Variants in CNTNAP2 observed in about 807,000 individuals in gnomAD.
CNTNAP2 encodes contactin associated protein 2, also known as contactin-associated protein-like 2.
In CNTNAP2, 98 loss-of-function variants were observed where a neutral mutation model predicts 155.2. That is an observed-to-expected ratio of 0.63 (90% CI 0.54 to 0.75). The LOEUF is 0.75. Among genes scored for constraint, CNTNAP2 ranks in the 30% least tolerant of loss-of-function variants. The pLI, the probability that CNTNAP2 is intolerant of heterozygous loss-of-function variation, is 0.00. For missense variants in CNTNAP2, 1,727 were observed against 1,688.1 expected, an observed-to-expected ratio of 1.02 and a Z score of -0.40; for synonymous variants, 651 against 631.2, an observed-to-expected ratio of 1.03 and a Z score of -0.47.
intron 13 of CNTNAP2, among the ~76,000 whole-genome samples, chr7:147,698,012 A>G (rs1011195054): frequency 2.0e-5 from 3 of 152,096 alleles, no homozygotes; most frequent in Admixed American, 2.0e-4. Context: ...CGTTAATTAC[A>G]GTTTAGGGTT....
intron 1 of CNTNAP2, among the ~76,000 whole-genome samples, chr7:146,741,352 T>A (rs1486012214): frequency 1.3e-5 from 2 of 152,172 alleles, no homozygotes; most frequent in Non-Finnish European, 2.9e-5. Context: ...CCACAAGGCA[T>A]TTTTGACTGC....
At chr7:146,451,138 G>C (rs891444335) in intron 1 of CNTNAP2, among the ~76,000 whole-genome samples, 2 of 151,994 alleles carry the variant, frequency 1.3e-5, no homozygotes, top group Non-Finnish European at 2.9e-5. Context: ...AGTACAGACG[G>C]GGTTTCACCG....
intron 3 of CNTNAP2, among the ~76,000 whole-genome samples, chr7:146,922,642 T>C (rs1322820306): frequency 6.6e-6 from 1 of 152,174 alleles, no homozygotes; most frequent in Non-Finnish European, 1.5e-5. Flanking sequence ...AAAAACAGGA[T>C]TCAACTTTCA....
At chr7:147,555,314 T>A (rs1799931633) in intron 11 of CNTNAP2, among the ~76,000 whole-genome samples, 1 of 152,156 alleles carries the variant, frequency 6.6e-6, no homozygotes, top group South Asian at 2.1e-4. Context: ...ATCGCCGCTA[T>A]GCCTACGTTT....
intron 1 of CNTNAP2, among the ~76,000 whole-genome samples, chr7:146,457,516 A>G (rs1293463775): frequency 2.2e-5 from 1 of 44,716 alleles, no homozygotes; most frequent in Admixed American, 1.9e-4. Flanking sequence ...ATATATATAT[A>G]TATATATATA....
chr7:146,721,889 A>ATATATATATAT, intron 1 of CNTNAP2, among the ~76,000 whole-genome samples: 3 of 69,736 alleles, frequency 4.3e-5, no homozygotes, highest in African/African-American at 3.8e-4. Context: ...ATATATATAT[A>ATATATATATAT]TTTTTTTTTT....
At chr7:147,999,799 C>T (rs965466659) in intron 15 of CNTNAP2, among the ~76,000 whole-genome samples, 2 of 152,116 alleles carry the variant, frequency 1.3e-5, no homozygotes, top group African/African-American at 4.8e-5. Context: ...TGCAATTTTG[C>T]AGTTGCCCTG....
At chr7:146,979,793 G>A (rs1797979292) in intron 3 of CNTNAP2, among the ~76,000 whole-genome samples, 1 of 152,202 alleles carries the variant, frequency 6.6e-6, no homozygotes, top group Admixed American at 6.5e-5. Flanking sequence ...TAATAACTAT[G>A]TAAGCTGAAA....
intron 1 of CNTNAP2, among the ~76,000 whole-genome samples, chr7:146,166,057 G>A (rs1429042292): frequency 6.6e-6 from 1 of 151,998 alleles, no homozygotes; most frequent in Non-Finnish European, 1.5e-5. Flanking sequence ...AACTTCCTTG[G>A]CTCACATTCC....
chr7:148,080,438 T>C (rs1415148425), intron 15 of CNTNAP2, among the ~76,000 whole-genome samples: 1 of 151,756 alleles, frequency 6.6e-6, no homozygotes, highest in Non-Finnish European at 1.5e-5. Context: ...GCCCCATCTC[T>C]ACTAAAAATA....
Position 146,832,659 on chromosome 7 carries a change from A to G in CNTNAP2, c.209-7052A>G, listed in dbSNP as rs1803536489. 2.0e-5 allele frequency among the ~76,000 whole-genome samples: 3 copies of G among 149,050 alleles called. No individual in the cohort carries two copies. In the South Asian group the frequency reaches 6.3e-4, roughly 31 times the overall value. On this transcript the variant is annotated intron_variant, in intron 2 of 23. Coordinates refer to ENST00000361727, the MANE Select transcript of CNTNAP2 (RefSeq NM_014141.6). The stretch of plus-strand genomic sequence containing the variant: ...TATGAATATATACACTGTATAATTT[A>G]TAAATATGTACGTGTGTGTGTATAT...
At chr7:147,630,501 C>G (rs1795068458) in intron 12 of CNTNAP2, among the ~76,000 whole-genome samples, 1 of 151,962 alleles carries the variant, frequency 6.6e-6, no homozygotes, top group Non-Finnish European at 1.5e-5. Context: ...AATACCAAAG[C>G]CAGGAAAGGA....
chr7:147,339,951 C>A (rs1463883697), intron 9 of CNTNAP2, among the ~76,000 whole-genome samples: 1 of 152,168 alleles, frequency 6.6e-6, no homozygotes, highest in Non-Finnish European at 1.5e-5. Context: ...AAAGCTCCTG[C>A]ACTGCAGTAA....
chr7:148,030,128 C>T (rs151034571), intron 15 of CNTNAP2, among the ~76,000 whole-genome samples: 1,755 of 152,244 alleles, frequency 0.012, 30 homozygotes, highest in African/African-American at 0.039. Context: ...TGTTGCTTTC[C>T]GGCTGCTATA....
At chr7:148,063,881 C>T (rs571557680) in intron 15 of CNTNAP2, among the ~76,000 whole-genome samples, 32 of 152,048 alleles carry the variant, frequency 2.1e-4, no homozygotes, top group African/African-American at 7.0e-4. Flanking sequence ...TTTCAGTCTT[C>T]GATCCATCTT....
chr7:146,879,730 C>T (rs979690887), intron 3 of CNTNAP2, among the ~76,000 whole-genome samples: 3 of 152,048 alleles, frequency 2.0e-5, no homozygotes, highest in Non-Finnish European at 4.4e-5. Flanking sequence ...AGCTCATGAG[C>T]TCACGGTCAG....
chr7:147,478,231 C>A (rs1405498186), intron 10 of CNTNAP2, among the ~76,000 whole-genome samples: 1 of 152,000 alleles, frequency 6.6e-6, no homozygotes, highest in Non-Finnish European at 1.5e-5. Context: ...CGGCTCACTG[C>A]AACCTCTGCC....
At chr7:146,700,028 T>C (rs780862227) in intron 1 of CNTNAP2, among the ~76,000 whole-genome samples, 2 of 152,134 alleles carry the variant, frequency 1.3e-5, no homozygotes, top group African/African-American at 2.4e-5. Context: ...CTTTCCCCTT[T>C]CCCTGATAAA....
intron 3 of CNTNAP2, among the ~76,000 whole-genome samples, chr7:146,871,297 G>A (rs1006223120): frequency 5.9e-5 from 9 of 152,024 alleles, no homozygotes; most frequent in Non-Finnish European, 8.8e-5. Flanking sequence ...TTGGGAGGCC[G>A]AGGCGGGCAG....
Sources: allele counts gnomAD v4.1 joint callset (sites outside exome capture counted in the v4.1 genomes callset), GRCh38; gene constraint gnomAD v4.1.1; transcripts MANE v1.5; gene names NCBI Gene and HGNC (gene_info 2026-07-23, HGNC 2026-07-21).